Variants in ANKH observed in about 807,000 individuals in gnomAD.
The protein encoded by ANKH is mineralization regulator ANKH.
A neutral mutation model predicts 49.0 loss-of-function variants in ANKH; 15 were observed. The ratio of observed to expected loss-of-function variants is 0.31; its 90% CI spans 0.20 to 0.47. ANKH has a LOEUF of 0.47. Ranked by LOEUF, ANKH falls within the 20% of genes least tolerant of loss-of-function variation. ANKH has a pLI of 1.00. For synonymous variants in ANKH, 273 were observed against 260.0 expected, an observed-to-expected ratio of 1.05 and a Z score of -0.48; for missense variants, 429 against 652.0, an observed-to-expected ratio of 0.66 and a Z score of 3.72.
chr5:14,744,483 G>A (rs1298630925), intron 7 of ANKH, among the ~76,000 whole-genome samples: 1 of 152,260 alleles, frequency 6.6e-6, no homozygotes, highest in Non-Finnish European at 1.5e-5. Flanking sequence ...AGGTGATAGA[G>A]ACAGGGAAGA....
chr5:14,786,582 C>G (rs971339162), intron 1 of ANKH, among the ~76,000 whole-genome samples: 1 of 152,122 alleles, frequency 6.6e-6, no homozygotes, highest in African/African-American at 2.4e-5. Context: ...ACAGACACAT[C>G]AAAAGATGCT....
intron 2 of ANKH, among the ~76,000 whole-genome samples, chr5:14,767,579 T>C (rs929699786): frequency 1.1e-4 from 16 of 152,150 alleles, no homozygotes; most frequent in Admixed American, 5.2e-4. Flanking sequence ...TTCCCGACAA[T>C]TGCAATAACA....
In ANKH at chr5:14,769,199, G is replaced by A. The variant is rs751912551; in HGVS notation, c.97-8C>T. 6.2e-7 allele frequency: 1 copy of A among 1,608,942 alleles called. No individual in the cohort carries two copies. The highest frequency in any genetic ancestry group is 2.2e-5 in the East Asian group (1 of 44,576). On this transcript the variant is annotated splice_region_variant and splice_polypyrimidine_tract_variant and intron_variant, in intron 1 of 11. Coordinates refer to ENST00000284268, the MANE Select transcript of ANKH (RefSeq NM_054027.6). Reference sequence around the variant, plus strand: ...AATGCCCCGGTTCAAGGCCTGGGAAGGGGGAAAAAAACCCACAAGCATTAG... The same window carrying A: ...AATGCCCCGGTTCAAGGCCTGGGAAAGGGGAAAAAAACCCACAAGCATTAG...
chr5:14,853,046 G>A (rs182163595), intron 1 of ANKH, among the ~76,000 whole-genome samples: 2 of 152,142 alleles, frequency 1.3e-5, no homozygotes, highest in African/African-American at 2.4e-5. Flanking sequence ...TCATGCTGAT[G>A]AGCCACGTGC....
At chr5:14,828,258 G>A (rs771588405) in intron 1 of ANKH, among the ~76,000 whole-genome samples, 4 of 152,090 alleles carry the variant, frequency 2.6e-5, no homozygotes, top group East Asian at 1.9e-4. Context: ...TTGGGAGGCC[G>A]AGGCGGGCAT....
At chr5:14,735,504 T>C (rs927705900) in intron 8 of ANKH, among the ~76,000 whole-genome samples, 25 of 152,208 alleles carry the variant, frequency 1.6e-4, no homozygotes, top group Non-Finnish European at 3.4e-4. Context: ...AGTTGTTAGC[T>C]TGCCAGGCAC....
chr5:14,743,006 G>A (rs1249766036), intron 7 of ANKH, among the ~76,000 whole-genome samples: 15 of 152,174 alleles, frequency 9.9e-5, no homozygotes, highest in East Asian at 5.8e-4. Flanking sequence ...GCATCCAGCC[G>A]CGTGAAACAC....
rs185435292 is a variant in ANKH, at chr5:14,740,846, C to T, written c.1011+981G>A. Among the ~76,000 whole-genome samples, 26 of 152,330 alleles carry T rather than the reference C, an allele frequency of 1.7e-4. No homozygotes were observed. In the East Asian group the frequency reaches 2.5e-3, roughly 15 times the overall value. On this transcript the variant is annotated intron_variant, in intron 8 of 11. Transcript: ENST00000284268. ...CATACTCCAACACCTTCACGGCCTCCGGTCCTCTTTATTAGTTATTGACAA... is the reference window on the plus strand; with the variant it reads ...CATACTCCAACACCTTCACGGCCTCTGGTCCTCTTTATTAGTTATTGACAA...
Position 14,711,269 on chromosome 5 carries a change from G to A in ANKH, c.1407C>T (p.Asp469=), listed in dbSNP as rs1737186268. The A allele has an allele frequency of 6.2e-7, 1 of 1,614,132 alleles. No homozygotes were observed. The highest frequency in any genetic ancestry group is 1.7e-5 in the Admixed American group (1 of 60,028). ...MENESATEGE[D]SAMTDMPPTE... ...TCGGAGGCATGTCTGTCATGGCAGA[G>A]TCTTCCCCCTCCGTGGCCGACTCAT... The change falls in exon 12 of 12, where the codon GAC becomes GAT. Residue 469 remains aspartate (D), a synonymous_variant. Coordinates refer to ENST00000284268, the MANE Select transcript of ANKH (RefSeq NM_054027.6).
chr5:14,779,350 C>A (rs761818705), intron 1 of ANKH, among the ~76,000 whole-genome samples: 15 of 152,176 alleles, frequency 9.9e-5, no homozygotes, highest in Non-Finnish European at 1.5e-5. Context: ...AAAAAGAAAC[C>A]CTCTCTTGAC....
chr5:14,710,967 G>GT lies in ANKH; in HGVS notation c.*229dup, dbSNP rs750147740. 10 of 527,810 alleles carry GT rather than the reference G, an allele frequency of 1.9e-5. No homozygotes were observed. Among genetic ancestry groups the GT allele is most frequent in the Non-Finnish European group, 3.4e-5 (10 of 291,012 alleles). The allele number at this position is 527,810 out of a possible 1,614,324, so 32.7% of individuals were successfully genotyped here. ...GTGAGGCAGGGGTATGAAGTCAGTT[G>GT]TTTCGTTTGTTTTTACATAGCAACA... On this transcript the variant is annotated 3_prime_UTR_variant, in exon 12 of 12. Coordinates refer to ENST00000284268, the MANE Select transcript of ANKH (RefSeq NM_054027.6).
intron 7 of ANKH, among the ~76,000 whole-genome samples, chr5:14,742,511 C>T (rs1489950161): frequency 6.6e-6 from 1 of 152,200 alleles, no homozygotes; most frequent in Admixed American, 6.5e-5. Context: ...TTTTCAAAAA[C>T]ATCCCTCTTT....
chr5:14,814,726 A>G (rs1740981272), intron 1 of ANKH, among the ~76,000 whole-genome samples: 1 of 152,224 alleles, frequency 6.6e-6, no homozygotes, highest in East Asian at 1.9e-4. Context: ...GTCTTATGGC[A>G]TTCCTCGACT....
At chr5:14,816,415 C>T (rs527404792) in intron 1 of ANKH, among the ~76,000 whole-genome samples, 7 of 152,098 alleles carry the variant, frequency 4.6e-5, no homozygotes, top group African/African-American at 1.4e-4. Flanking sequence ...CCTCACAATC[C>T]TTTTATTTGA....
At chr5:14,808,147 G>C (rs1740761374) in intron 1 of ANKH, among the ~76,000 whole-genome samples, 1 of 151,996 alleles carries the variant, frequency 6.6e-6, no homozygotes, top group Non-Finnish European at 1.5e-5. Context: ...ACACAGAAAA[G>C]TATACAAAGG....
chr5:14,727,997 T>C (rs1282588743), intron 8 of ANKH, among the ~76,000 whole-genome samples: 3 of 152,376 alleles, frequency 2.0e-5, no homozygotes, highest in African/African-American at 7.2e-5. Context: ...GGTAGAGTTT[T>C]AGGGACTAGC....
chr5:14,722,844 C>A (rs1039410052), intron 8 of ANKH, among the ~76,000 whole-genome samples: 8 of 151,930 alleles, frequency 5.3e-5, no homozygotes, highest in Non-Finnish European at 1.2e-4. Flanking sequence ...GTCCTGACAG[C>A]AGAGGAACAC....
chr5:14,808,037 A>G (rs1387957598), intron 1 of ANKH, among the ~76,000 whole-genome samples: 3 of 152,236 alleles, frequency 2.0e-5, no homozygotes, highest in African/African-American at 7.2e-5. Flanking sequence ...AACTTTTTCC[A>G]TGCTCTGAAA....
intron 8 of ANKH, chr5:14,741,248 GCGTGTTGTTTATTT>G (rs1255598940): frequency 6.4e-6 from 1 of 156,246 alleles, no homozygotes; most frequent in Non-Finnish European, 1.4e-5. Flanking sequence ...AACGAAGGAT[GCGTGTTGTTTATTT>G]AAGGTTGCGC....
Sources: allele counts gnomAD v4.1 joint callset (sites outside exome capture counted in the v4.1 genomes callset), GRCh38; gene constraint gnomAD v4.1.1; transcripts MANE v1.5; gene names NCBI Gene and HGNC (gene_info 2026-07-23, HGNC 2026-07-21).